CCDC68: variants seen among roughly 807,000 people sequenced by gnomAD.
CCDC68 encodes coiled-coil domain containing 68.
CCDC68 carries 45 observed loss-of-function variants against 47.1 expected under a neutral mutation model. The observed-to-expected ratio is 0.96, with a 90% CI of 0.75 to 1.23. The LOEUF is 1.23. CCDC68 is among the 50% of genes most tolerant of loss of function. The probability of loss-of-function intolerance (pLI) is 0.00; values close to 1 mark genes in which losing one functional copy is unlikely to be tolerated. For missense variants in CCDC68, 353 were observed against 373.6 expected, an observed-to-expected ratio of 0.94 and a Z score of 0.45; for synonymous variants, 131 against 129.5, an observed-to-expected ratio of 1.01 and a Z score of -0.08.
At chr18:54,957,588 C>T (rs190474483) in intron 1 of CCDC68, among the ~76,000 whole-genome samples, 45 of 150,692 alleles carry the variant, frequency 3.0e-4, no homozygotes, top group Admixed American at 1.5e-3. Context: ...TACAGATGTA[C>T]CAAATAGTTT....
chr18:54,948,501 ACT>A lies in CCDC68; in HGVS notation c.-102-3026_-102-3025del, dbSNP rs559586016. Among the ~76,000 whole-genome samples the A allele has an allele frequency of 1.1e-3, 170 of 152,276 alleles. 1 individual carries two copies. Among genetic ancestry groups the A allele is most frequent in the African/African-American group, 3.8e-3 (159 of 41,556 alleles). On this transcript the variant is annotated intron_variant, in intron 1 of 11. Coordinates refer to ENST00000591504, the MANE Select transcript of CCDC68 (RefSeq NM_025214.3). ...GATGATCCATTTCCCTGTTCAAGCC[ACT>A]CTGTGTGTGGCACTTTGTTAGAGCA...
intron 3 of CCDC68, among the ~76,000 whole-genome samples, chr18:54,941,862 C>A (rs1438499845): frequency 6.6e-6 from 1 of 152,108 alleles, no homozygotes; most frequent in Non-Finnish European, 1.5e-5. Context: ...ATGGTGTGAT[C>A]TCTGCTCACT....
chr18:54,912,953 C>CA (rs1266606157), intron 10 of CCDC68, among the ~76,000 whole-genome samples: 1 of 152,172 alleles, frequency 6.6e-6, no homozygotes, highest in Non-Finnish European at 1.5e-5. Context: ...AAAGATCTCC[C>CA]ACAGGGTCCC....
chr18:54,904,834 A>G (rs1415430932), intron 11 of CCDC68, among the ~76,000 whole-genome samples: 1 of 152,204 alleles, frequency 6.6e-6, no homozygotes, highest in Non-Finnish European at 1.5e-5. Flanking sequence ...CTAGTATTTA[A>G]AACTGTAAGT....
intron 8 of CCDC68, among the ~76,000 whole-genome samples, chr18:54,920,236 C>CTTTTT (rs58528142): frequency 2.2e-5 from 3 of 135,224 alleles, no homozygotes; most frequent in East Asian, 2.1e-4. Flanking sequence ...TTTCTTTTTT[C>CTTTTT]TTTTTTTTTT....
At position 54,936,818 on chromosome 18, in the gene CCDC68, C is replaced by G. The variant is rs1479868579; in HGVS notation, c.471+15G>C. ...GGGGGCTAGTTCTCCAATAGACAAG[C>G]TGCATGTTTGGTACCTGGAGTAATT... On this transcript the variant is annotated intron_variant, in intron 6 of 11. Transcript: ENST00000591504. The G allele has an allele frequency of 1.2e-6, 2 of 1,613,842 alleles. No individual in the cohort carries two copies. Among genetic ancestry groups the G allele is most frequent in the Non-Finnish European group, 1.7e-6 (2 of 1,179,888 alleles).
At chr18:54,940,945 A>T in intron 4 of CCDC68, 52 bp downstream of exon 4, 1 of 1,342,782 alleles carries the variant, frequency 7.4e-7, no homozygotes, top group Non-Finnish European at 1.1e-6. Flanking sequence ...CCCAAAAATT[A>T]CTTTAAAAAG....
At chr18:54,930,123 T>A (rs912040532) in intron 7 of CCDC68, among the ~76,000 whole-genome samples, 16 of 152,330 alleles carry the variant, frequency 1.1e-4, no homozygotes, top group East Asian at 1.9e-4. Flanking sequence ...AACCATTTTT[T>A]AAAAATTTAA....
chr18:54,927,767 G>GT (rs1262382364), intron 8 of CCDC68, among the ~76,000 whole-genome samples: 1 of 152,194 alleles, frequency 6.6e-6, no homozygotes, highest in Non-Finnish European at 1.5e-5. Flanking sequence ...ATCCTAGTAT[G>GT]TTTCAAATGT....
At chr18:54,932,042 C>G (rs1568148758) in intron 7 of CCDC68, among the ~76,000 whole-genome samples, 2 of 152,274 alleles carry the variant, frequency 1.3e-5, no homozygotes, top group East Asian at 3.9e-4. Flanking sequence ...TCCCCTTACT[C>G]TGGCTTGCGC....
Position 54,942,716 on chromosome 18 carries a change from T to C in CCDC68, c.76A>G (p.Thr26Ala), listed in dbSNP as rs1032779740. 3.1e-6 allele frequency: 5 copies of C among 1,611,836 alleles called. No individual in the cohort carries two copies. In the Admixed American group the frequency reaches 5.0e-5, roughly 16 times the overall value. The change falls in exon 3 of 12, where the codon ACG (threonine) becomes GCG (alanine). Residue 26 changes from threonine (T) to alanine (A), a missense_variant. Coordinates refer to ENST00000591504, the MANE Select transcript of CCDC68 (RefSeq NM_025214.3). Reference sequence around the variant, plus strand: ...GTTTCTTCAATAATGTGAGCGGACGTAGACTCATACAAGGCAGAATTATCT... The same window carrying C: ...GTTTCTTCAATAATGTGAGCGGACGCAGACTCATACAAGGCAGAATTATCT... Reference protein sequence around the residue: ...MEDNSALYESTSAHIIEETEY... With the variant: ...MEDNSALYESASAHIIEETEY...
In CCDC68 at chr18:54,941,095, A is replaced by G. The variant is rs761779726; in HGVS notation, c.118-12T>C. The G allele has an allele frequency of 1.8e-5, 28 of 1,599,016 alleles. No homozygotes were observed. In the African/African-American group the frequency reaches 3.2e-4, roughly 18 times the overall value. ...AGAGTAGTTCGAATCTAGAGAAGGA[A>G]AACAAAACCATTTGTTTCAAAGGCA... On this transcript the variant is annotated splice_polypyrimidine_tract_variant and intron_variant, in intron 3 of 11. Coordinates refer to ENST00000591504, the MANE Select transcript of CCDC68 (RefSeq NM_025214.3).
At chr18:54,917,675 A>G (rs2043978330) in intron 10 of CCDC68, among the ~76,000 whole-genome samples, 1 of 152,042 alleles carries the variant, frequency 6.6e-6, no homozygotes, top group South Asian at 2.1e-4. Flanking sequence ...TTGCATACAC[A>G]CAGAGACACA....
chr18:54,927,169 A>C (rs2044160356), intron 8 of CCDC68, among the ~76,000 whole-genome samples: 1 of 152,226 alleles, frequency 6.6e-6, no homozygotes, highest in South Asian at 2.1e-4. Context: ...ATGCCTCTAC[A>C]TAAAGCTCAG....
In CCDC68 at chr18:54,902,069, T is replaced by A. The variant is rs556132510; in HGVS notation, c.*2289A>T. The A allele has an allele frequency of 1.3e-5, 2 of 152,170 alleles. No homozygotes were observed. The highest frequency in any genetic ancestry group is 2.9e-5 in the Non-Finnish European group (2 of 68,020). The allele number at this position is 152,170 out of a possible 1,614,324, so 9.4% of individuals were successfully genotyped here. A position where few individuals can be genotyped will look rare whatever the true frequency, so the allele number is the denominator to read the frequency against. On this transcript the variant is annotated 3_prime_UTR_variant, in exon 12 of 12. Transcript: ENST00000591504. The stretch of plus-strand genomic sequence containing the variant: ...GGCTATTATAATTTAACCTATAAAG[T>A]AAATTTCTCCCAAAGTTAGCTTGGC...
intron 11 of CCDC68, among the ~76,000 whole-genome samples, chr18:54,907,369 T>A (rs903761528): frequency 3.3e-5 from 5 of 152,150 alleles, no homozygotes; most frequent in African/African-American, 4.8e-5. Context: ...CTGGTGATAT[T>A]TATATTAATA....
Position 54,902,480 on chromosome 18 carries a change from G to A in CCDC68, c.*1878C>T, listed in dbSNP as rs1323878099. The A allele has an allele frequency of 6.6e-6, 1 of 152,100 alleles. No homozygotes were observed. Among genetic ancestry groups the A allele is most frequent in the Middle Eastern group, 3.2e-3 (1 of 316 alleles). The allele number at this position is 152,100 out of a possible 1,614,324, so 9.4% of individuals were successfully genotyped here. A position where few individuals can be genotyped will look rare whatever the true frequency, so the allele number is the denominator to read the frequency against. On this transcript the variant is annotated 3_prime_UTR_variant, in exon 12 of 12. Transcript: ENST00000591504. The stretch of plus-strand genomic sequence containing the variant: ...TCATGATCCTAATTTTCCTACAAGT[G>A]TGCCTGAAAATGTATCATGAAGAAA...
intron 1 of CCDC68, among the ~76,000 whole-genome samples, chr18:54,947,953 A>G (rs1241773515): frequency 1.3e-5 from 2 of 152,244 alleles, no homozygotes; most frequent in Non-Finnish European, 2.9e-5. Flanking sequence ...CAATGCACAC[A>G]CGTTATTGTG....
Position 54,941,031 on chromosome 18 carries a change from CTTAT to C in CCDC68, c.166_169del (p.Ile56AspfsTer9). 1 of 1,612,238 alleles carries C rather than the reference CTTAT, an allele frequency of 6.2e-7. No homozygotes were observed. The highest frequency in any genetic ancestry group is 1.1e-5 in the South Asian group (1 of 90,994). On this transcript the variant is annotated frameshift_variant, in exon 4 of 12. Coordinates refer to ENST00000591504, the MANE Select transcript of CCDC68 (RefSeq NM_025214.3). LOFTEE classifies it high-confidence loss of function. ...TAGTTTGTGATTTGTACTGTCATGT[CTTAT>C]TTCATCTTTAAACATCTGGGTCCTG...
Sources: allele counts gnomAD v4.1 joint callset (sites outside exome capture counted in the v4.1 genomes callset), GRCh38; gene constraint gnomAD v4.1.1; transcripts MANE v1.5; gene names NCBI Gene and HGNC (gene_info 2026-07-23, HGNC 2026-07-21).